Variants in CUX1 observed in about 807,000 individuals in gnomAD.
The protein encoded by CUX1 is protein CASP.
Under a neutral mutation model 158.8 loss-of-function variants are expected in CUX1, and 31 were observed. That is an observed-to-expected ratio of 0.20 (90% CI 0.15 to 0.26). The LOEUF is 0.26. Among genes scored for constraint, CUX1 ranks in the 10% least tolerant of loss-of-function variants. The probability of loss-of-function intolerance (pLI) is 1.00; values close to 1 mark genes in which losing one functional copy is unlikely to be tolerated. For missense variants in CUX1, 1,589 were observed against 2,014.6 expected (o/e 0.79, Z 4.04); for synonymous variants, 879 against 862.1 (o/e 1.02, Z -0.34).
chr7:101,912,226 TTCCTCCCCCTCCCCCCTCCCTCCTCC>T (rs1803572032), intron 1 of CUX1, among the ~76,000 whole-genome samples: 1 of 42,830 alleles, frequency 2.3e-5, no homozygotes, highest in African/African-American at 9.6e-5. Context: ...CCCTCCCCTC[TTCCTCCCCCTCCCCCCTCCCTCCTCC>T]TCCTCTATCT....
intron 11 of CUX1, among the ~76,000 whole-genome samples, chr7:102,180,952 T>G (rs1411027086): frequency 2.9e-5 from 4 of 135,954 alleles, no homozygotes; most frequent in African/African-American, 1.3e-4. Flanking sequence ...TTTTATTTTA[T>G]TTTATTTGAG....
chr7:101,997,248 A>G (rs781094832), intron 2 of CUX1, among the ~76,000 whole-genome samples: 1 of 152,240 alleles, frequency 6.6e-6, no homozygotes. Context: ...TGGGGTGCCC[A>G]TGATGGTGTA....
At chr7:102,132,096 A>G (rs1023950573) in intron 8 of CUX1, among the ~76,000 whole-genome samples, 2 of 151,960 alleles carry the variant, frequency 1.3e-5, no homozygotes, top group Non-Finnish European at 1.5e-5. Flanking sequence ...TGCCAAAAGT[A>G]GAAATCACAA....
chr7:102,069,808 A>G (rs1825936200), intron 3 of CUX1, among the ~76,000 whole-genome samples: 1 of 152,236 alleles, frequency 6.6e-6, no homozygotes, highest in Non-Finnish European at 1.5e-5. Flanking sequence ...TCGTCCGTTT[A>G]CATGCAGCAT....
At chr7:102,053,458 TC>T (rs1249594351) in intron 3 of CUX1, among the ~76,000 whole-genome samples, 1 of 152,164 alleles carries the variant, frequency 6.6e-6, no homozygotes, top group African/African-American at 2.4e-5. Context: ...CGATTATACT[TC>T]TTTAATTGCT....
chr7:101,997,031 C>G (rs918475476), intron 2 of CUX1, among the ~76,000 whole-genome samples: 3 of 152,154 alleles, frequency 2.0e-5, no homozygotes, highest in Admixed American at 6.5e-5. Flanking sequence ...TTCAGAGCTG[C>G]TTACCTGGCT....
intron 16 of CUX1, among the ~76,000 whole-genome samples, chr7:102,274,465 G>GT (rs1369547911): frequency 6.6e-6 from 1 of 152,232 alleles, no homozygotes; most frequent in Non-Finnish European, 1.5e-5. Context: ...AAAGGGTCGG[G>GT]TAAGGCTAGG....
rs185215273 is a variant in CUX1 at position 102,051,373 on chromosome 7, C to T, written c.190-18966C>T. ...TGAAAAAAAAAAAAATAGGGCCGGG[C>T]GCAGTGGCTCATGCCTGTAATCCCA... is the stretch of plus-strand genomic sequence containing the variant. On this transcript the variant is annotated intron_variant, in intron 3 of 23. Transcript: ENST00000292535. Among the ~76,000 whole-genome samples the T allele has an allele frequency of 6.7e-3, 1,020 of 151,560 alleles. 16 individuals carry two copies. Among genetic ancestry groups the T allele is most frequent in the African/African-American group, 0.024 (984 of 41,334 alleles).
intron 8 of CUX1, chr7:102,125,499 A>C (rs1832534321): frequency 6.6e-6 from 1 of 152,254 alleles, no homozygotes; most frequent in Non-Finnish European, 1.5e-5. Context: ...TGCAAATCTC[A>C]GTGACATAGC....
chr7:102,196,570 G>A, intron 14 of CUX1, 64 bp from the exon 15 acceptor site: 2 of 1,393,200 alleles, frequency 1.4e-6, no homozygotes, highest in East Asian at 2.4e-5. Flanking sequence ...TTGCATTTTG[G>A]TCTTGGTTTT....
In CUX1 at chr7:102,256,023, C is replaced by T. The variant is rs1214083332; in HGVS notation, c.*6981C>T. ...TGAATGAGTTTGTTCACTGTAGTTC[C>T]GTTTGTTCATGAACCGAAGGGAAAA... is the stretch of plus-strand genomic sequence containing the variant. On this transcript the variant is annotated 3_prime_UTR_variant, in exon 24 of 24. Coordinates refer to ENST00000292535, the MANE Select transcript of CUX1 (RefSeq NM_181552.4). The T allele has an allele frequency of 5.1e-5, 50 of 985,414 alleles. No individual in the cohort carries two copies. The highest frequency in any genetic ancestry group is 5.5e-5 in the Non-Finnish European group (46 of 829,942). The allele number at this position is 985,414 out of a possible 1,614,324, so 61.0% of individuals were successfully genotyped here. A position where few individuals can be genotyped will look rare whatever the true frequency, so the allele number is the denominator to read the frequency against.
chr7:101,984,077 C>CCAAAAAAAAA (rs1185648555), intron 2 of CUX1, among the ~76,000 whole-genome samples: 4 of 16,762 alleles, frequency 2.4e-4, no homozygotes, highest in African/African-American at 1.2e-3. Context: ...TGTCCCCCCC[C>CCAAAAAAAAA]AAAAAAAAAA....
chr7:102,098,685 A>G (rs1031735517), intron 5 of CUX1, among the ~76,000 whole-genome samples: 1 of 150,382 alleles, frequency 6.6e-6, no homozygotes, highest in Non-Finnish European at 1.5e-5. Flanking sequence ...TCTGTCGCCC[A>G]GGCTGGAGTG....
Position 101,926,812 on chromosome 7 carries a change from A to T in CUX1, c.141+10587A>T, listed in dbSNP as rs1192647170. The stretch of plus-strand genomic sequence containing the variant: ...CCATTTCACCCAGGAGGTGAAATGA[A>T]TTCAGATGCACAGAGCATATAGTAG... On this transcript the variant is annotated intron_variant, in intron 2 of 23. Coordinates refer to ENST00000292535, the MANE Select transcript of CUX1 (RefSeq NM_181552.4). Among the ~76,000 whole-genome samples the T allele has an allele frequency of 2.6e-5, 4 of 152,172 alleles. No homozygotes were observed. In the East Asian group the frequency reaches 7.7e-4, roughly 29 times the overall value.
rs79646725 is a variant in CUX1 at position 102,035,217 on chromosome 7, A to G, written c.189+7072A>G. ...AAGTACAGATAGCTCTTGACTTACG[A>G]TGGTGCAACTTTAGGATGATGCAAA... On this transcript the variant is annotated intron_variant, in intron 3 of 23. Transcript: ENST00000292535. Among the ~76,000 whole-genome samples the G allele has an allele frequency of 5.9e-3, 891 of 152,274 alleles. 7 individuals carry two copies. Among genetic ancestry groups the G allele is most frequent in the African/African-American group, 0.021 (857 of 41,544 alleles).
intron 9 of CUX1, among the ~76,000 whole-genome samples, chr7:102,164,792 T>C (rs1275150770): frequency 2.0e-5 from 3 of 152,162 alleles, no homozygotes; most frequent in Admixed American, 6.5e-5. Flanking sequence ...CATCATCAGC[T>C]CCTGGGTCTA....
At chr7:102,260,818 G>C (rs1554543705), downstream of CUX1, among the ~76,000 whole-genome samples, 1 of 152,220 alleles carries the variant, frequency 6.6e-6, no homozygotes, top group Non-Finnish European at 1.5e-5. Context: ...TGAATTGTCT[G>C]CAATGGTCCT....
chr7:101,918,997 T>G (rs911770119), intron 2 of CUX1, among the ~76,000 whole-genome samples: 5 of 152,374 alleles, frequency 3.3e-5, no homozygotes, highest in Middle Eastern at 3.4e-3. Context: ...CAGGCTGGTC[T>G]CGAACTCCTG....
intron 20 of CUX1, among the ~76,000 whole-genome samples, chr7:102,222,930 C>G (rs1221047804): frequency 6.7e-6 from 1 of 149,500 alleles, no homozygotes; most frequent in Non-Finnish European, 1.5e-5. Flanking sequence ...AGCAATTCCC[C>G]TGTCTCAGCT....
Sources: gnomAD v4.1 joint callset for allele counts (sites outside exome capture counted in the v4.1 genomes callset) on GRCh38, gnomAD v4.1.1 for gene constraint, MANE v1.5 for transcripts, NCBI Gene and HGNC (gene_info 2026-07-23, HGNC 2026-07-21) for gene names.